Variants in DSCAM observed in about 807,000 individuals in gnomAD.
The protein encoded by DSCAM is DS cell adhesion molecule, also known as cell adhesion molecule DSCAM.
DSCAM carries 47 observed loss-of-function variants against 217.7 expected under a neutral mutation model. The observed-to-expected ratio is 0.22, with a 90% confidence interval of 0.17 to 0.28. DSCAM has a LOEUF of 0.28. DSCAM is among the 10% of genes least tolerant of loss of function. DSCAM has a pLI of 1.00. For missense variants in DSCAM, 2,080 were observed against 2,618.3 expected, an observed-to-expected ratio of 0.79 and a Z score of 4.49; for synonymous variants, 1,056 against 1,015.3, an observed-to-expected ratio of 1.04 and a Z score of -0.76.
intron 16 of DSCAM, among the ~76,000 whole-genome samples, chr21:40,165,041 T>A (rs1326533915): frequency 6.6e-6 from 1 of 152,198 alleles, no homozygotes; most frequent in Non-Finnish European, 1.5e-5. Flanking sequence ...GTCTCTGTAC[T>A]GAATGCATCT....
chr21:40,726,399 T>C (rs548305265), intron 1 of DSCAM, among the ~76,000 whole-genome samples: 5 of 152,118 alleles, frequency 3.3e-5, no homozygotes, highest in Non-Finnish European at 5.9e-5. Context: ...TATCATTATA[T>C]AGATAAAATA....
intron 1 of DSCAM, among the ~76,000 whole-genome samples, chr21:40,759,599 G>A (rs1031287601): frequency 1.3e-5 from 2 of 152,144 alleles, no homozygotes; most frequent in Non-Finnish European, 2.9e-5. Flanking sequence ...ACGGCGGGGA[G>A]TGGGCTGTCC....
intron 1 of DSCAM, among the ~76,000 whole-genome samples, chr21:40,739,243 A>G (rs1000139048): frequency 1.9e-5 from 1 of 52,640 alleles, no homozygotes; most frequent in African/African-American, 1.2e-4. Context: ...GTCTGCAGCA[A>G]TGCTGGGGGG....
chr21:40,378,971 T>C (rs2074993925), intron 3 of DSCAM, among the ~76,000 whole-genome samples: 1 of 152,218 alleles, frequency 6.6e-6, no homozygotes, highest in African/African-American at 2.4e-5. Context: ...ATCTATACTC[T>C]GCAGTTACAT....
At chr21:40,827,292 AC>A in intron 1 of DSCAM, among the ~76,000 whole-genome samples, 1 of 151,736 alleles carries the variant, frequency 6.6e-6, no homozygotes. Context: ...ACATAAAGAG[AC>A]CCCCATCTCT....
At chr21:40,518,597 CATAT>C (rs200331272) in intron 3 of DSCAM, among the ~76,000 whole-genome samples, 1 of 90,072 alleles carries the variant, frequency 1.1e-5, no homozygotes, top group Non-Finnish European at 1.9e-5. Flanking sequence ...TACACACACA[CATAT>C]ATACATACAC....
chr21:40,629,081 GT>G (rs2089649113), intron 3 of DSCAM, among the ~76,000 whole-genome samples: 1 of 2,720 alleles, frequency 3.7e-4, no homozygotes, highest in Non-Finnish European at 1.1e-3. Flanking sequence ...TGTGTGGTGT[GT>G]GTGTGTGTGT....
At chr21:40,502,366 T>C (rs972833909) in intron 3 of DSCAM, among the ~76,000 whole-genome samples, 14 of 152,134 alleles carry the variant, frequency 9.2e-5, no homozygotes, top group Non-Finnish European at 2.1e-4. Flanking sequence ...CTGTATTAGT[T>C]TACTATTGCT....
At chr21:40,101,446 G>A (rs948545220) in intron 20 of DSCAM, among the ~76,000 whole-genome samples, 2 of 130,106 alleles carry the variant, frequency 1.5e-5, no homozygotes, top group African/African-American at 3.7e-5. Context: ...GACAGATTTC[G>A]TGGAAGACAG....
chr21:40,836,628 A>G (rs1425376982), intron 1 of DSCAM, among the ~76,000 whole-genome samples: 4 of 152,196 alleles, frequency 2.6e-5, no homozygotes, highest in Admixed American at 1.3e-4. Flanking sequence ...TACTGGATCA[A>G]CTTCCTAGCT....
intron 3 of DSCAM, among the ~76,000 whole-genome samples, chr21:40,605,379 C>T (rs995174624): frequency 6.6e-5 from 10 of 152,162 alleles, no homozygotes; most frequent in African/African-American, 2.4e-4. Context: ...TTCTGTTCAG[C>T]TTTTTTTCAT....
rs576501470 is a variant in DSCAM at position 40,281,610 on chromosome 21, A to G, written c.2183-5340T>C. ...AAAATGTACAAACGTTATCTCCTTC[A>G]GTGCTAGCTGAGGGTTAATTTTTTC... is the stretch of plus-strand genomic sequence containing the variant. On this transcript the variant is annotated intron_variant, in intron 10 of 32. Coordinates refer to ENST00000400454, the MANE Select transcript of DSCAM (RefSeq NM_001389.5). Among the ~76,000 whole-genome samples, 35 of 152,322 alleles carry G rather than the reference A, an allele frequency of 2.3e-4. No homozygotes were observed. In the East Asian group the frequency reaches 6.2e-3, roughly 27 times the overall value.
At chr21:40,183,423 G>A (rs927386064) in intron 14 of DSCAM, among the ~76,000 whole-genome samples, 1 of 152,206 alleles carries the variant, frequency 6.6e-6, no homozygotes, top group Non-Finnish European at 1.5e-5. Flanking sequence ...CTGTGCCTGT[G>A]CCCGCTCAGA....
chr21:40,195,114 T>G (rs1237593749), intron 11 of DSCAM, among the ~76,000 whole-genome samples: 1 of 152,178 alleles, frequency 6.6e-6, no homozygotes, highest in African/African-American at 2.4e-5. Flanking sequence ...ATGAACAGTT[T>G]GTCACTGTAC....
intron 1 of DSCAM, among the ~76,000 whole-genome samples, chr21:40,810,173 TG>T (rs1020254907): frequency 1.3e-5 from 2 of 152,198 alleles, no homozygotes; most frequent in African/African-American, 4.8e-5. Flanking sequence ...CATCTCCTTG[TG>T]GAACAACATT....
At chr21:40,581,877 A>G (rs1167723197) in intron 3 of DSCAM, among the ~76,000 whole-genome samples, 1 of 152,228 alleles carries the variant, frequency 6.6e-6, no homozygotes, top group Non-Finnish European at 1.5e-5. Context: ...AAAAAAATTA[A>G]CAAAGTAACG....
At chr21:40,256,428 G>C (rs1601489980) in intron 11 of DSCAM, among the ~76,000 whole-genome samples, 1 of 149,958 alleles carries the variant, frequency 6.7e-6, no homozygotes, top group Non-Finnish European at 1.5e-5. Context: ...GAGAGACAGA[G>C]AGAGAGAGAG....
intron 1 of DSCAM, among the ~76,000 whole-genome samples, chr21:40,796,328 G>C (rs1213342895): frequency 6.6e-6 from 1 of 152,218 alleles, no homozygotes; most frequent in Non-Finnish European, 1.5e-5. Flanking sequence ...AAAATGGCAT[G>C]TCCCAGAGAA....
intron 18 of DSCAM, among the ~76,000 whole-genome samples, chr21:40,141,490 C>T (rs2090289315): frequency 6.6e-6 from 1 of 152,138 alleles, no homozygotes; most frequent in Non-Finnish European, 1.5e-5. Context: ...GTGGTGCACG[C>T]CTGCAATCCT....
Sources: gnomAD v4.1 joint callset for allele counts (sites outside exome capture counted in the v4.1 genomes callset) on GRCh38, gnomAD v4.1.1 for gene constraint, MANE v1.5 for transcripts, NCBI Gene and HGNC (gene_info 2026-07-23, HGNC 2026-07-21) for gene names.